Variants in SNED1 observed in about 807,000 individuals in gnomAD.
SNED1 encodes the protein sushi, nidogen and EGF-like domain-containing protein 1.
A neutral mutation model predicts 166.7 loss-of-function variants in SNED1; 81 were observed. The ratio of observed to expected loss-of-function variants is 0.49; its 90% confidence interval spans 0.41 to 0.58. The LOEUF is 0.58. Among genes scored for constraint, SNED1 ranks in the 20% least tolerant of loss-of-function variants. SNED1 has a pLI of 0.00. For synonymous variants in SNED1, 762 were observed against 822.0 expected, an observed-to-expected ratio of 0.93 and a Z score of 1.25; for missense variants, 1,604 against 2,000.2, an observed-to-expected ratio of 0.80 and a Z score of 3.78.
intron 31 of SNED1, chr2:241,089,496 C>T (rs577779436): frequency 2.8e-6 from 4 of 1,451,790 alleles, no homozygotes; most frequent in Non-Finnish European, 1.8e-6. Context: ...AGGTCTGGGC[C>T]GGAGCTCCGC....
intron 31 of SNED1, chr2:241,089,054 AC>A (rs2125339363): frequency 2.5e-6 from 1 of 400,708 alleles, no homozygotes; most frequent in Non-Finnish European, 4.5e-6. Context: ...TGGCAACCAA[AC>A]CCCATCCTGC....
At chr2:241,023,314 TTC>T (rs1299823563) in intron 1 of SNED1, among the ~76,000 whole-genome samples, 1 of 152,204 alleles carries the variant, frequency 6.6e-6, no homozygotes, top group African/African-American at 2.4e-5. Context: ...TTATTTATAT[TTC>T]TGTTTTCTTT....
chr2:241,019,683 G>A (rs2060711034), intron 1 of SNED1, among the ~76,000 whole-genome samples: 1 of 152,228 alleles, frequency 6.6e-6, no homozygotes, highest in African/African-American at 2.4e-5. Context: ...CCAAGAGGCA[G>A]CGCGGTCCGA....
intron 2 of SNED1, among the ~76,000 whole-genome samples, chr2:241,033,015 C>T (rs1013431065): frequency 1.3e-5 from 2 of 152,104 alleles, no homozygotes; most frequent in Non-Finnish European, 2.9e-5. Context: ...ATGTTTAATT[C>T]TCCCTTTTGG....
chr2:241,054,361 AG>A (rs1405251745), intron 16 of SNED1, among the ~76,000 whole-genome samples: 1 of 152,248 alleles, frequency 6.6e-6, no homozygotes, highest in East Asian at 1.9e-4. Flanking sequence ...CTAACACAGG[AG>A]TTCAAGACCA....
intron 8 of SNED1, among the ~76,000 whole-genome samples, chr2:241,041,642 A>G (rs950746834): frequency 6.6e-6 from 1 of 152,092 alleles, no homozygotes; most frequent in African/African-American, 2.4e-5. Context: ...CTGAGATCGC[A>G]CCACTGCACT....
intron 1 of SNED1, among the ~76,000 whole-genome samples, chr2:241,012,394 CG>C (rs1440742926): frequency 6.6e-6 from 1 of 152,252 alleles, no homozygotes; most frequent in Non-Finnish European, 1.5e-5. Flanking sequence ...ACGCTGCCAC[CG>C]CCCCACCCTG....
chr2:241,063,521 T>C (rs1264408711), intron 17 of SNED1, 66 bp from the exon 18 acceptor site: 10 of 1,029,608 alleles, frequency 9.7e-6, no homozygotes, highest in South Asian at 2.7e-5. Flanking sequence ...ATGCACGGAA[T>C]CCTGGGGGCA....
chr2:241,072,004 C>T, intron 26 of SNED1, 126 bp downstream of exon 26: 1 of 862,884 alleles, frequency 1.2e-6, no homozygotes, highest in Non-Finnish European at 1.9e-6. Context: ...AGCCAGTGAC[C>T]CCCACCCCGA....
At chr2:241,089,091 A>T (rs951518352) in intron 31 of SNED1, 18 of 475,106 alleles carry the variant, frequency 3.8e-5, no homozygotes, top group Admixed American at 1.2e-4. Context: ...CAAACTGCCG[A>T]ATCTTAAACA....
chr2:241,069,559 C>T lies in SNED1; in HGVS notation c.3308-361C>T, dbSNP rs561333078. 2.0e-5 allele frequency among the ~76,000 whole-genome samples: 3 copies of T among 152,302 alleles called. No homozygotes were observed. Among genetic ancestry groups the T allele is most frequent in the African/African-American group, 2.4e-5 (1 of 41,570 alleles). On this transcript the variant is annotated intron_variant, in intron 23 of 31. Coordinates refer to ENST00000310397, the MANE Select transcript of SNED1 (RefSeq NM_001080437.3). This position sits in a 1 kb window ranked among gnomAD's most constrained non-coding sequence, Gnocchi z 4.9. ...CCCACCTGTGCACTCAGATGCTGCC[C>T]GCCTGGCATGGGAAAGGCTGGTGGG...
In SNED1 at chr2:241,040,389, T is replaced by TTCAAGGGACTTCGCTG; in HGVS notation, c.1251_1266dup (p.Glu423GlnfsTer6). 6.2e-7 allele frequency: 1 copy of TTCAAGGGACTTCGCTG among 1,600,160 alleles called. No homozygotes were observed. Among genetic ancestry groups the TTCAAGGGACTTCGCTG allele is most frequent in the Non-Finnish European group, 8.5e-7 (1 of 1,173,128 alleles). The stretch of plus-strand genomic sequence containing the variant: ...TTACACCTGCTTGTGTGCCGAGCCC[T>TTCAAGGGACTTCGCTG]TCAAGGGACTTCGCTGTGAGACAGG... On this transcript the variant is annotated frameshift_variant, in exon 8 of 32. Coordinates refer to ENST00000310397, the MANE Select transcript of SNED1 (RefSeq NM_001080437.3). LOFTEE classifies it high-confidence loss of function.
intron 29 of SNED1, among the ~76,000 whole-genome samples, chr2:241,082,659 AT>A (rs1289214015): frequency 6.6e-6 from 1 of 152,180 alleles, no homozygotes; most frequent in African/African-American, 2.4e-5. Context: ...TCCCCACTGG[AT>A]GGCAGAGCCA....
intron 1 of SNED1, among the ~76,000 whole-genome samples, chr2:241,012,785 C>T (rs1385505349): frequency 6.6e-6 from 1 of 150,646 alleles, no homozygotes; most frequent in Non-Finnish European, 1.5e-5. Context: ...ACTCTCTTAG[C>T]AAATTTCAAT....
Position 241,068,762 on chromosome 2 carries a change from G to A in SNED1, c.3195-149G>A. 3.2e-6 allele frequency: 2 copies of A among 616,556 alleles called. No homozygotes were observed. The highest frequency in any genetic ancestry group is 3.0e-4 in the Middle Eastern group (1 of 3,368). The allele number at this position is 616,556 out of a possible 1,614,324, so 38.2% of individuals were successfully genotyped here. ...GAGCACACGGCTCTGAGGGCCATGAGTCTGCCCCTCGTGGAGGTTGCCTGG... is the reference window on the plus strand; with the variant it reads ...GAGCACACGGCTCTGAGGGCCATGAATCTGCCCCTCGTGGAGGTTGCCTGG... On this transcript the variant is annotated intron_variant, in intron 22 of 31. Coordinates refer to ENST00000310397, the MANE Select transcript of SNED1 (RefSeq NM_001080437.3). The surrounding 1 kb of genome is among the most constrained non-coding windows in gnomAD (Gnocchi z 5.3).
chr2:241,049,711 G>C (rs2061770352), intron 11 of SNED1, 106 bp from the exon 12 acceptor site: 1 of 786,356 alleles, frequency 1.3e-6, no homozygotes, highest in African/African-American at 1.7e-5. Flanking sequence ...CTTGGTTCCA[G>C]ACAGGATGTC....
At chr2:241,049,735 C>A in intron 11 of SNED1, 82 bp from the exon 12 acceptor site, 1 of 1,015,152 alleles carries the variant, frequency 9.9e-7, no homozygotes, top group Non-Finnish European at 1.5e-6. Flanking sequence ...GTAACCCTGG[C>A]AGGCAAGGTG....
chr2:241,091,205 C>T lies in SNED1; in HGVS notation c.*2-433C>T, dbSNP rs191844290. 2.0e-5 allele frequency among the ~76,000 whole-genome samples: 3 copies of T among 152,310 alleles called. No homozygotes were observed. The highest frequency in any genetic ancestry group is 6.5e-5 in the Admixed American group (1 of 15,304). Reference sequence around the variant, plus strand: ...CAAAAAAGCAGGAAACAGAAACACACGCACCCAGACACCCATCCAAGAACA... The same window carrying T: ...CAAAAAAGCAGGAAACAGAAACACATGCACCCAGACACCCATCCAAGAACA... On this transcript the variant is annotated intron_variant, in intron 31 of 31. Coordinates refer to ENST00000310397, the MANE Select transcript of SNED1 (RefSeq NM_001080437.3). This position sits in a 1 kb window ranked among gnomAD's most constrained non-coding sequence, Gnocchi z 4.1.
chr2:241,000,802 A>G (rs1313686983), intron 1 of SNED1, among the ~76,000 whole-genome samples: 2 of 152,260 alleles, frequency 1.3e-5, no homozygotes, highest in African/African-American at 4.8e-5. Flanking sequence ...ATATTATTTG[A>G]AAACCATTTG....
Sources: gnomAD v4.1 joint callset for allele counts (sites outside exome capture counted in the v4.1 genomes callset) on GRCh38, gnomAD v4.1.1 for gene constraint, Gnocchi (gnomAD v3.1) non-coding constraint, MANE v1.5 for transcripts, NCBI Gene and HGNC (gene_info 2026-07-23, HGNC 2026-07-21) for gene names.